Variants in MAPK1IP1L observed in about 807,000 individuals in gnomAD.
MAPK1IP1L encodes the protein MAPK-interacting and spindle-stabilizing protein-like.
A neutral mutation model predicts 18.1 loss-of-function variants in MAPK1IP1L; 10 were observed. The ratio of observed to expected loss-of-function variants is 0.55; its 90% CI spans 0.34 to 0.94. MAPK1IP1L has a LOEUF of 0.94. MAPK1IP1L is among the 40% of genes least tolerant of loss of function. The pLI, the probability that MAPK1IP1L is intolerant of heterozygous loss-of-function variation, is 0.02. For missense variants in MAPK1IP1L, 260 were observed against 318.2 expected (o/e 0.82, Z 1.39); for synonymous variants, 115 against 117.3 (o/e 0.98, Z 0.13).
chr14:55,052,579 T>C (rs1024775764), intron 1 of MAPK1IP1L, among the ~76,000 whole-genome samples: 5 of 152,174 alleles, frequency 3.3e-5, no homozygotes, highest in Non-Finnish European at 7.3e-5. Flanking sequence ...GAAGCCAGGC[T>C]CACTCGACCG....
chr14:55,065,094 C>G lies in MAPK1IP1L; in HGVS notation c.*467C>G, dbSNP rs974623547. 2 of 152,866 alleles carry G rather than the reference C, an allele frequency of 1.3e-5. No individual in the cohort carries two copies. Among genetic ancestry groups the G allele is most frequent in the African/African-American group, 4.8e-5 (2 of 41,458 alleles). 9.5% of individuals were successfully genotyped at this position (152,866 alleles called of 1,614,324 possible). ...TGATGCCTCAACATTTTGAGCTGCT[C>G]TGTCGGACAAATAAACCTGGTCCTC... On this transcript the variant is annotated 3_prime_UTR_variant, in exon 4 of 4. Coordinates refer to ENST00000395468, the MANE Select transcript of MAPK1IP1L (RefSeq NM_144578.4).
intron 1 of MAPK1IP1L, among the ~76,000 whole-genome samples, chr14:55,059,602 T>C (rs2042799949): frequency 1.3e-5 from 2 of 152,140 alleles, no homozygotes; most frequent in East Asian, 3.8e-4. Flanking sequence ...GTCCACAATA[T>C]CTGTGGGAAA....
intron 1 of MAPK1IP1L, among the ~76,000 whole-genome samples, chr14:55,056,799 G>A (rs538459287): frequency 4.6e-5 from 7 of 152,268 alleles, no homozygotes; most frequent in Admixed American, 3.9e-4. Context: ...GTGAGCCACC[G>A]CGCCCGGCCA....
In MAPK1IP1L at chr14:55,051,802, G is replaced by C; in HGVS notation, c.-6G>C. ...CCCTACTGCGGTCTCGGATATTGCC[G>C]GGTGAGGCTGCTTCGGTACTAGTGG... On this transcript the variant is annotated splice_region_variant and 5_prime_UTR_variant, in exon 1 of 4. Coordinates refer to ENST00000395468, the MANE Select transcript of MAPK1IP1L (RefSeq NM_144578.4). 1 of 495,494 alleles carries C rather than the reference G, an allele frequency of 2.0e-6. No individual in the cohort carries two copies. The highest frequency in any genetic ancestry group is 4.0e-6 in the Non-Finnish European group (1 of 247,018). The allele number at this position is 495,494 out of a possible 1,614,324, so 30.7% of individuals were successfully genotyped here. A position where few individuals can be genotyped will look rare whatever the true frequency, so the allele number is the denominator to read the frequency against.
chr14:55,055,887 A>G (rs1397977260), intron 1 of MAPK1IP1L, among the ~76,000 whole-genome samples: 1 of 152,192 alleles, frequency 6.6e-6, no homozygotes, highest in Non-Finnish European at 1.5e-5. Context: ...TCAAGATCAC[A>G]CTACTGCACT....
chr14:55,062,629 A>C lies in MAPK1IP1L; in HGVS notation c.30A>C (p.Ala10=), dbSNP rs765505064. 7 of 1,609,476 alleles carry C rather than the reference A, an allele frequency of 4.3e-6. No individual in the cohort carries two copies. In the East Asian group the frequency reaches 1.3e-4, roughly 31 times the overall value. MSDEFSLAD[A]LPEHSPAKTS... ...GTTTTGTGTTCCAGTTGGCAGATGC[A>C]CTACCTGAACACTCCCCTGCCAAAA... The change falls in exon 3 of 4, where the codon GCA becomes GCC. Residue 10 remains alanine, a synonymous_variant. Transcript: ENST00000395468.
At chr14:55,057,375 T>C (rs1228486322) in intron 1 of MAPK1IP1L, among the ~76,000 whole-genome samples, 1 of 152,222 alleles carries the variant, frequency 6.6e-6, no homozygotes, top group Non-Finnish European at 1.5e-5. Flanking sequence ...GGTTAATTAA[T>C]ATAAAGAAGA....
At position 55,062,953 on chromosome 14, in the gene MAPK1IP1L, A is replaced by G; in HGVS notation, c.354A>G (p.Thr118=). The G allele has an allele frequency of 3.1e-6, 5 of 1,613,212 alleles. No individual in the cohort carries two copies. Among genetic ancestry groups the G allele is most frequent in the Non-Finnish European group, 4.2e-6 (5 of 1,179,442 alleles). The change falls in exon 3 of 4, where the codon ACA becomes ACG. Residue 118 remains threonine, a synonymous_variant. Coordinates refer to ENST00000395468, the MANE Select transcript of MAPK1IP1L (RefSeq NM_144578.4). ...CTGGCCCCACAGGGCCATATCCTAC[A>G]CCAAATATGCCCTTTCCAGAGCTAC... ...PGPGPTGPYP[T]PNMPFPELPR... is the part of the protein sequence containing the mutation.
intron 1 of MAPK1IP1L, among the ~76,000 whole-genome samples, chr14:55,052,249 C>T (rs2042736351): frequency 6.6e-6 from 1 of 152,148 alleles, no homozygotes; most frequent in Non-Finnish European, 1.5e-5. Flanking sequence ...GATTTCCCCT[C>T]TACCCCCACC....
chr14:55,057,679 T>C (rs948424508), intron 1 of MAPK1IP1L, among the ~76,000 whole-genome samples: 6 of 150,922 alleles, frequency 4.0e-5, no homozygotes, highest in Non-Finnish European at 5.9e-5. Flanking sequence ...TCGCTTAAAC[T>C]GAGGAGGCGG....
At chr14:55,055,206 G>A (rs2042761735) in intron 1 of MAPK1IP1L, among the ~76,000 whole-genome samples, 1 of 152,066 alleles carries the variant, frequency 6.6e-6, no homozygotes, top group African/African-American at 2.4e-5. Flanking sequence ...GCCTCAAGCG[G>A]TCTTCCCACC....
chr14:55,051,881 A>T (rs1566760747), intron 1 of MAPK1IP1L, 78 bp downstream of exon 1: 11 of 418,534 alleles, frequency 2.6e-5, no homozygotes, highest in Non-Finnish European at 4.3e-5. Context: ...GGGCGCGGCC[A>T]AGCGGGAAGC....
Position 55,062,793 on chromosome 14 carries a change from G to C in MAPK1IP1L, c.194G>C (p.Gly65Ala). 1 of 1,614,012 alleles carries C rather than the reference G, an allele frequency of 6.2e-7. No individual in the cohort carries two copies. Among genetic ancestry groups the C allele is most frequent in the Non-Finnish European group, 8.5e-7 (1 of 1,179,992 alleles). Residue 65 changes from glycine to alanine, a missense_variant, in exon 3 of 4, where the codon GGA becomes GCA. Coordinates refer to ENST00000395468, the MANE Select transcript of MAPK1IP1L (RefSeq NM_144578.4). ...GCAACACCCTCCACTGTGCCTTTTG[G>C]ACCAGCACCAACAGGAATGTATCCC... ...PSATPSTVPF[G>A]PAPTGMYPSV...
rs1183493560 is a variant in MAPK1IP1L, at chr14:55,068,255, A to G, written c.*3628A>G. The G allele has an allele frequency of 6.5e-6, 1 of 152,678 alleles. No homozygotes were observed. Among genetic ancestry groups the G allele is most frequent in the Non-Finnish European group, 1.5e-5 (1 of 68,060 alleles). The allele number at this position is 152,678 out of a possible 1,614,324, so 9.5% of individuals were successfully genotyped here. Reference sequence around the variant, plus strand: ...GAAAAGTATATATTTTGCCTCAGTCAGTCCCACCACCACAATGGACTATTG... The same window carrying G: ...GAAAAGTATATATTTTGCCTCAGTCGGTCCCACCACCACAATGGACTATTG... On this transcript the variant is annotated 3_prime_UTR_variant, in exon 4 of 4. Coordinates refer to ENST00000395468, the MANE Select transcript of MAPK1IP1L (RefSeq NM_144578.4).
chr14:55,057,911 G>A lies in MAPK1IP1L; in HGVS notation c.-4-3769G>A, dbSNP rs572032884. ...GATCACACCACTGCACTCCAGCCTC[G>A]GTGACAGAGCAAGACCCTGTCTCAA... On this transcript the variant is annotated intron_variant, in intron 1 of 3. Transcript: ENST00000395468. Among the ~76,000 whole-genome samples, 16 of 152,152 alleles carry A rather than the reference G, an allele frequency of 1.1e-4. No individual in the cohort carries two copies. The South Asian group carries it at 2.3e-3, about 22-fold the overall frequency.
chr14:55,055,509 G>A (rs969970308), intron 1 of MAPK1IP1L, among the ~76,000 whole-genome samples: 5 of 152,052 alleles, frequency 3.3e-5, no homozygotes, highest in Admixed American at 6.6e-5. Flanking sequence ...ATGTTTTTTA[G>A]ATCTAATAAC....
chr14:55,059,225 G>GAAAAAAAAAAAAAAAAAAAAAAAATTTA, intron 1 of MAPK1IP1L, among the ~76,000 whole-genome samples: 1 of 63,280 alleles, frequency 1.6e-5, no homozygotes, highest in Non-Finnish European at 3.1e-5. Context: ...AGGAAAATCT[G>GAAAAAAAAAAAAAAAAAAAAAAAATTTA]AAAAAAAAAA....
rs1306379398 is a variant in MAPK1IP1L at position 55,054,641 on chromosome 14, A to G, written c.-5+2838A>G. Among the ~76,000 whole-genome samples the G allele has an allele frequency of 2.0e-5, 3 of 152,188 alleles. No homozygotes were observed. In the East Asian group the frequency reaches 5.8e-4, roughly 29 times the overall value. The stretch of plus-strand genomic sequence containing the variant: ...GATGGAAAATGGTCTCTTATTGAGA[A>G]GTTTTTTGTCAAAAGATAACCGTCA... On this transcript the variant is annotated intron_variant, in intron 1 of 3. Transcript: ENST00000395468.
At position 55,069,102 on chromosome 14, in the gene MAPK1IP1L, TCTTCA is replaced by T. The variant is rs1262478203; in HGVS notation, c.*4479_*4483del. On this transcript the variant is annotated 3_prime_UTR_variant, in exon 4 of 4. Transcript: ENST00000395468. ...GTGCAAAGTAACAGGATAGTTTGCC[TCTTCA>T]CTTTACCCCTGGATAAAGGCACTTT... 6.6e-6 allele frequency: 1 copy of T among 152,138 alleles called. No homozygotes were observed. The highest frequency in any genetic ancestry group is 1.9e-4 in the East Asian group (1 of 5,200). The allele number at this position is 152,138 out of a possible 1,614,324, so 9.4% of individuals were successfully genotyped here. A position where few individuals can be genotyped will look rare whatever the true frequency, so the allele number is the denominator to read the frequency against.
Sources: gnomAD v4.1 joint callset for allele counts (sites outside exome capture counted in the v4.1 genomes callset) on GRCh38, gnomAD v4.1.1 for gene constraint, MANE v1.5 for transcripts, NCBI Gene and HGNC (gene_info 2026-07-23, HGNC 2026-07-21) for gene names.